VASP: variants seen among roughly 807,000 people sequenced by gnomAD.
The protein encoded by VASP is vasodilator-stimulated phosphoprotein.
In VASP, 27 loss-of-function variants were observed where a neutral mutation model predicts 54.4. The ratio of observed to expected loss-of-function variants is 0.50; its 90% confidence interval spans 0.37 to 0.68. The LOEUF (loss-of-function observed/expected upper bound fraction) is 0.68, where lower values mean the gene tolerates loss of function less well. Ranked by LOEUF, VASP falls within the 30% of genes least tolerant of loss-of-function variation. VASP has a pLI of 0.00. For synonymous variants in VASP, 233 were observed against 209.8 expected, an observed-to-expected ratio of 1.11 and a Z score of -0.96; for missense variants, 488 against 528.3, an observed-to-expected ratio of 0.92 and a Z score of 0.75.
rs1968902848 is a variant in VASP at position 45,523,958 on chromosome 19, A to C, written c.910+81A>C. ...CTCACATGTTAAGCACCCTTATAGG[A>C]GAGTCAGGGCGAATGGTGCTGGGGA... is the stretch of plus-strand genomic sequence containing the variant. On this transcript the variant is annotated intron_variant, in intron 9 of 12. Transcript: ENST00000245932. 3 of 1,609,938 alleles carry C rather than the reference A, an allele frequency of 1.9e-6. No homozygotes were observed. The South Asian group carries it at 3.3e-5, about 18-fold the overall frequency.
rs567044020 is a variant in VASP at position 45,511,792 on chromosome 19, C to G, written c.5+4016C>G. ...AACAAATAATAAGCAGTTTGAAATA[C>G]TTACTGAAATTATTGAAATGGTGGC... On this transcript the variant is annotated intron_variant, in intron 1 of 12. Coordinates refer to ENST00000245932, the MANE Select transcript of VASP (RefSeq NM_003370.4). 7.2e-5 allele frequency among the ~76,000 whole-genome samples: 11 copies of G among 152,276 alleles called. No individual in the cohort carries two copies. In the South Asian group the frequency reaches 2.3e-3, roughly 32 times the overall value.
chr19:45,522,131 C>T, intron 4 of VASP, 37 bp from the exon 5 acceptor site: 1 of 1,612,490 alleles, frequency 6.2e-7, no homozygotes, highest in East Asian at 2.2e-5. Flanking sequence ...ATCCTTAGGG[C>T]CCTGATTGAC....
chr19:45,524,453 T>C, intron 10 of VASP, 117 bp from the exon 11 acceptor site: 7 of 1,034,784 alleles, frequency 6.8e-6, no homozygotes, highest in Non-Finnish European at 7.3e-6. Flanking sequence ...GCCCCAAAAA[T>C]ACTTGGACTT....
intron 1 of VASP, among the ~76,000 whole-genome samples, chr19:45,515,811 T>C (rs1396137744): frequency 6.6e-6 from 1 of 152,108 alleles, no homozygotes; most frequent in Admixed American, 6.6e-5. Context: ...ATGCTGTAAT[T>C]ACAGGCGTGA....
chr19:45,508,882 A>G (rs1442087916), intron 1 of VASP, among the ~76,000 whole-genome samples: 4 of 152,162 alleles, frequency 2.6e-5, no homozygotes, highest in African/African-American at 9.7e-5. Flanking sequence ...GGCTCACCTG[A>G]GGGCGGGGCC....
chr19:45,525,385 G>A (rs1203581798), intron 11 of VASP, among the ~76,000 whole-genome samples: 1 of 152,138 alleles, frequency 6.6e-6, no homozygotes, highest in Admixed American at 6.6e-5. Flanking sequence ...CCAACATGGT[G>A]AAACCCATCG....
At position 45,524,627 on chromosome 19, in the gene VASP, C is replaced by T; in HGVS notation, c.1014C>T (p.Ser338=). 1 of 1,613,938 alleles carries T rather than the reference C, an allele frequency of 6.2e-7. No individual in the cohort carries two copies. Among genetic ancestry groups the T allele is most frequent in the Non-Finnish European group, 8.5e-7 (1 of 1,179,954 alleles). ...AGACCCAACCCTGCACGCCCAGCTC[C>T]AGTGATTACTCGGACCTACAGAGGG... ...TSETQPCTPS[S]SDYSDLQRVK... Residue 338 remains serine, a synonymous_variant, in exon 11 of 13, where the codon TCC becomes TCT. Coordinates refer to ENST00000245932, the MANE Select transcript of VASP (RefSeq NM_003370.4).
At chr19:45,519,070 A>G (rs967393558) in intron 3 of VASP, among the ~76,000 whole-genome samples, 2 of 152,184 alleles carry the variant, frequency 1.3e-5, no homozygotes, top group African/African-American at 4.8e-5. Flanking sequence ...GCTGGAGTGC[A>G]GTGGCACGAT....
intron 1 of VASP, among the ~76,000 whole-genome samples, chr19:45,509,278 C>T (rs1968550767): frequency 1.3e-5 from 2 of 152,210 alleles, no homozygotes; most frequent in Non-Finnish European, 2.9e-5. Context: ...ATTATAGCAA[C>T]ATCCCTTCCA....
intron 3 of VASP, among the ~76,000 whole-genome samples, chr19:45,519,725 A>G (rs1415374206): frequency 6.7e-6 from 1 of 149,452 alleles, no homozygotes; most frequent in Non-Finnish European, 1.5e-5. Flanking sequence ...CCTCCCGAGT[A>G]GCTGGGACTA....
intron 1 of VASP, among the ~76,000 whole-genome samples, chr19:45,513,652 G>C (rs1968646440): frequency 6.6e-6 from 1 of 151,506 alleles, no homozygotes; most frequent in African/African-American, 2.4e-5. Flanking sequence ...ATTTTTAGTA[G>C]GCATAGGGTT....
chr19:45,526,120 TG>T lies in VASP; in HGVS notation c.1106-19del, dbSNP rs1200802819. On this transcript the variant is annotated intron_variant, in intron 12 of 12. Transcript: ENST00000245932. ...AGGCAGAGACTCTGCCCCTGACCTC[TG>T]CTCCTTGTTTCCTTCCAGCCTTCGT... 6.2e-7 allele frequency: 1 copy of T among 1,613,934 alleles called. No homozygotes were observed. Among genetic ancestry groups the T allele is most frequent in the Admixed American group, 1.7e-5 (1 of 59,946 alleles).
intron 1 of VASP, among the ~76,000 whole-genome samples, chr19:45,509,769 A>G (rs2122280038): frequency 6.6e-6 from 1 of 152,288 alleles, no homozygotes; most frequent in African/African-American, 2.4e-5. Flanking sequence ...TTCAAAACCC[A>G]TGCCCCTATT....
Position 45,517,789 on chromosome 19 carries a change from C to G in VASP, c.132C>G (p.Ala44=). The part of the protein sequence containing the change: ...SRVQIYHNPT[A]NSFRVVGRKM... The stretch of plus-strand genomic sequence containing the variant: ...TCCAGATCTACCACAACCCCACGGC[C>G]AATTCCTTTCGCGTCGTGGGCCGGA... Residue 44 remains alanine, a synonymous_variant, in exon 2 of 13, where the codon GCC becomes GCG. Transcript: ENST00000245932. 1.2e-6 allele frequency: 2 copies of G among 1,613,906 alleles called. No individual in the cohort carries two copies. Among genetic ancestry groups the G allele is most frequent in the African/African-American group, 1.3e-5 (1 of 75,052 alleles).
At chr19:45,513,631 C>A (rs1968646140) in intron 1 of VASP, among the ~76,000 whole-genome samples, 2 of 152,048 alleles carry the variant, frequency 1.3e-5, no homozygotes, top group South Asian at 4.1e-4. Flanking sequence ...CCATGCCTGG[C>A]TAATTTTTGT....
At chr19:45,522,099 G>GTCGCTGGCCCCT (rs371421464) in intron 4 of VASP, 69 bp from the exon 5 acceptor site, 1 of 1,604,316 alleles carries the variant, frequency 6.2e-7, no homozygotes, top group African/African-American at 1.3e-5. Context: ...GAGGACGGAG[G>GTCGCTGGCCCCT]TCGCTGGCCC....
chr19:45,520,114 C>G (rs1599936116), intron 3 of VASP, among the ~76,000 whole-genome samples: 1 of 151,280 alleles, frequency 6.6e-6, no homozygotes, highest in South Asian at 2.1e-4. Context: ...GTTGGCCAGG[C>G]TGGTCTCGAA....
rs763316649 is a variant in VASP at position 45,523,918 on chromosome 19, C to G, written c.910+41C>G. 8.1e-6 allele frequency: 13 copies of G among 1,612,890 alleles called. No individual in the cohort carries two copies. In the East Asian group the frequency reaches 2.7e-4, roughly 33 times the overall value. Reference sequence around the variant, plus strand: ...AGTCCAGCCACAGGAACTACAAATCCCAGAATACTCTGTTCTCACATGTTA... The same window carrying G: ...AGTCCAGCCACAGGAACTACAAATCGCAGAATACTCTGTTCTCACATGTTA... On this transcript the variant is annotated intron_variant, in intron 9 of 12. Transcript: ENST00000245932.
intron 11 of VASP, chr19:45,525,099 C>T (rs1042492629): frequency 6.1e-6 from 1 of 164,116 alleles, no homozygotes; most frequent in Admixed American, 5.8e-5. Flanking sequence ...ACCTACTACC[C>T]CTGGCTTTTC....
Sources: allele counts gnomAD v4.1 joint callset (sites outside exome capture counted in the v4.1 genomes callset), GRCh38; gene constraint gnomAD v4.1.1; transcripts MANE v1.5; gene names NCBI Gene and HGNC (gene_info 2026-07-23, HGNC 2026-07-21).